PPP2R2C: variants seen among roughly 807,000 people sequenced by gnomAD.
PPP2R2C encodes protein phosphatase 2 regulatory subunit Bgamma, also known as protein phosphatase 2, regulatory subunit B, gamma.
A neutral mutation model predicts 45.3 loss-of-function variants in PPP2R2C; 10 were observed. That is an observed-to-expected ratio of 0.22 (90% confidence interval 0.14 to 0.37). The LOEUF is 0.37. PPP2R2C is among the 10% of genes least tolerant of loss of function. The pLI, the probability that PPP2R2C is intolerant of heterozygous loss-of-function variation, is 1.00. For missense variants in PPP2R2C, 308 were observed against 619.7 expected (o/e 0.50, Z 5.34); for synonymous variants, 257 against 245.4 (o/e 1.05, Z -0.44).
chr4:6,430,199 C>G (rs572844564), intron 1 of PPP2R2C, among the ~76,000 whole-genome samples: 1 of 152,302 alleles, frequency 6.6e-6, no homozygotes, highest in African/African-American at 2.4e-5. Context: ...GGACTATGTC[C>G]TTGATGGGAT....
At chr4:6,348,752 G>A (rs1402092189) in intron 5 of PPP2R2C, 1 of 950,304 alleles carries the variant, frequency 1.1e-6, no homozygotes, top group African/African-American at 1.8e-5. Context: ...TGGAGCTTGA[G>A]GGTGGGGCAG....
At chr4:6,394,888 G>A (rs541931103) in intron 1 of PPP2R2C, among the ~76,000 whole-genome samples, 1 of 152,346 alleles carries the variant, frequency 6.6e-6, no homozygotes, top group Non-Finnish European at 1.5e-5. Context: ...CCCTTCCCAG[G>A]CCTATCTGCT....
chr4:6,519,668 A>G (rs1397527125), intron 2 of PPP2R2C, among the ~76,000 whole-genome samples: 1 of 152,268 alleles, frequency 6.6e-6, no homozygotes, highest in Non-Finnish European at 1.5e-5. Context: ...AATGATATTC[A>G]TTAAATGAAT....
In PPP2R2C at chr4:6,372,707, A is replaced by C; in HGVS notation, c.448-7T>G. 1 of 1,612,840 alleles carries C rather than the reference A, an allele frequency of 6.2e-7. No individual in the cohort carries two copies. Among genetic ancestry groups the C allele is most frequent in the East Asian group, 2.2e-5 (1 of 44,842 alleles). ...TGGGCTTCAGCACTGGCACCTGCAG[A>C]GGATGAGGAGGCAGGGAAGAGGTGA... On this transcript the variant is annotated splice_region_variant and splice_polypyrimidine_tract_variant and intron_variant, in intron 4 of 8. Coordinates refer to ENST00000382599, the MANE Select transcript of PPP2R2C (RefSeq NM_020416.4).
At chr4:6,508,670 G>A (rs1007774142) in intron 2 of PPP2R2C, among the ~76,000 whole-genome samples, 3 of 152,198 alleles carry the variant, frequency 2.0e-5, no homozygotes, top group Non-Finnish European at 4.4e-5. Flanking sequence ...AGTTGGGCGA[G>A]TGGGCTCAAA....
At position 6,471,999 on chromosome 4, in the gene PPP2R2C, G is replaced by C. The variant is rs899875200; in HGVS notation, c.70+161C>G. ...CCCTCCCTCCTGGGCCCCGGGCAGGGTGGGATGGGATGGGGTGGGGTGGGG... is the reference window on the plus strand; with the variant it reads ...CCCTCCCTCCTGGGCCCCGGGCAGGCTGGGATGGGATGGGGTGGGGTGGGG... On this transcript the variant is annotated intron_variant, in intron 1 of 8. Transcript: ENST00000382599. This position sits in a 1 kb window ranked among gnomAD's most constrained non-coding sequence, Gnocchi z 5.6. Among the ~76,000 whole-genome samples the C allele has an allele frequency of 6.9e-6, 1 of 143,906 alleles. No homozygotes were observed. The highest frequency in any genetic ancestry group is 1.5e-5 in the Non-Finnish European group (1 of 65,294). The allele number at this position is 143,906 out of a possible 152,430, so 94.4% of individuals were successfully genotyped here. A position where few individuals can be genotyped will look rare whatever the true frequency, so the allele number is the denominator to read the frequency against.
Position 6,327,536 on chromosome 4 carries a change from G to A in PPP2R2C, c.1052+1726C>T, listed in dbSNP as rs531165000. Among the ~76,000 whole-genome samples the A allele has an allele frequency of 2.4e-4, 37 of 152,346 alleles. 2 individuals are homozygous for A. Among genetic ancestry groups the A allele is most frequent in the Admixed American group, 1.9e-3 (29 of 15,306 alleles). ...ACCCCGCAAAACGCACATAAAAGCTGGAATCAGCTTGTTACAGCTGCAGGT... is the reference window on the plus strand; with the variant it reads ...ACCCCGCAAAACGCACATAAAAGCTAGAATCAGCTTGTTACAGCTGCAGGT... On this transcript the variant is annotated intron_variant, in intron 8 of 8. Coordinates refer to ENST00000382599, the MANE Select transcript of PPP2R2C (RefSeq NM_020416.4).
intron 1 of PPP2R2C, among the ~76,000 whole-genome samples, chr4:6,440,152 G>T (rs577566655): frequency 1.4e-3 from 211 of 152,170 alleles, no homozygotes; most frequent in African/African-American, 4.8e-3. Flanking sequence ...CCTTCACATG[G>T]GTATGACCAT....
chr4:6,524,355 G>T (rs762830816), intron 2 of PPP2R2C, among the ~76,000 whole-genome samples: 1 of 152,206 alleles, frequency 6.6e-6, no homozygotes, highest in African/African-American at 2.4e-5. Flanking sequence ...CAGATTCACC[G>T]CAACAGAAAG....
intron 2 of PPP2R2C, among the ~76,000 whole-genome samples, chr4:6,502,921 C>A (rs982842400): frequency 1.5e-4 from 23 of 152,260 alleles, no homozygotes; most frequent in African/African-American, 5.5e-4. Context: ...CCAGACCCGG[C>A]CGCTATTGCC....
chr4:6,378,595 G>T lies in PPP2R2C; in HGVS notation c.169-23C>A, dbSNP rs1364255576. 2 of 1,603,352 alleles carry T rather than the reference G, an allele frequency of 1.2e-6. No homozygotes were observed. Among genetic ancestry groups the T allele is most frequent in the Non-Finnish European group, 1.7e-6 (2 of 1,173,226 alleles). On this transcript the variant is annotated intron_variant, in intron 2 of 8. Transcript: ENST00000382599. This position sits in a 1 kb window ranked among gnomAD's most constrained non-coding sequence, Gnocchi z 5.2. ...ACTCTGCAGGGAAACCCGGAGAAGG[G>T]GCCTGAGCACCGTGACCTGCAGGGC...
chr4:6,501,698 T>C (rs1367850404), intron 2 of PPP2R2C, among the ~76,000 whole-genome samples: 1 of 152,234 alleles, frequency 6.6e-6, no homozygotes, highest in Non-Finnish European at 1.5e-5. Flanking sequence ...TGGCCCATTT[T>C]ACAGACGAAG....
At chr4:6,381,563 G>A (rs1186998815) in intron 1 of PPP2R2C, 3 of 1,418,976 alleles carry the variant, frequency 2.1e-6, no homozygotes, top group Non-Finnish European at 2.8e-6. Context: ...CCCACTCAGG[G>A]CTTCCCACAC....
chr4:6,336,271 G>A (rs1225857438), intron 6 of PPP2R2C, among the ~76,000 whole-genome samples: 9 of 151,944 alleles, frequency 5.9e-5, no homozygotes, highest in South Asian at 2.1e-4. Flanking sequence ...TCACAGGGGC[G>A]CCCTTCTCAG....
chr4:6,418,872 C>G (rs1004886042), intron 1 of PPP2R2C, among the ~76,000 whole-genome samples: 4 of 151,820 alleles, frequency 2.6e-5, no homozygotes, highest in African/African-American at 4.8e-5. Flanking sequence ...AAGTGTCATG[C>G]CTGGTTCTGG....
At chr4:6,447,713 G>A (rs1045834057) in intron 1 of PPP2R2C, among the ~76,000 whole-genome samples, 2 of 152,100 alleles carry the variant, frequency 1.3e-5, no homozygotes, top group African/African-American at 4.8e-5. Flanking sequence ...AAGCTTGGCA[G>A]GGACACAGCC....
At chr4:6,468,320 G>C (rs1332522199) in intron 1 of PPP2R2C, among the ~76,000 whole-genome samples, 1 of 152,180 alleles carries the variant, frequency 6.6e-6, no homozygotes, top group Non-Finnish European at 1.5e-5. Context: ...GATGACCTTA[G>C]CAATTCCCAA....
At chr4:6,477,501 T>C (rs111738793), upstream of PPP2R2C, among the ~76,000 whole-genome samples, 17,774 of 151,598 alleles carry the variant, frequency 0.12, 1,210 homozygotes, top group Non-Finnish European at 0.16. Flanking sequence ...CTGAGGCGGG[T>C]GGATCACAAG....
intron 1 of PPP2R2C, among the ~76,000 whole-genome samples, chr4:6,540,136 A>T (rs781650013): frequency 4.6e-5 from 7 of 152,224 alleles, no homozygotes; most frequent in Non-Finnish European, 8.8e-5. Flanking sequence ...TAGTGTATTC[A>T]CAGAGCTGTG....
Sources: allele counts gnomAD v4.1 joint callset (sites outside exome capture counted in the v4.1 genomes callset), GRCh38; gene constraint gnomAD v4.1.1; non-coding constraint Gnocchi (gnomAD v3.1); transcripts MANE v1.5; gene names NCBI Gene and HGNC (gene_info 2026-07-23, HGNC 2026-07-21).